Variants in GRIP1 observed in about 807,000 individuals in gnomAD.
The protein encoded by GRIP1 is glutamate receptor-interacting protein 1.
In GRIP1, 45 loss-of-function variants were observed where a neutral mutation model predicts 129.9. The observed-to-expected ratio is 0.35, with a 90% confidence interval of 0.27 to 0.44. The LOEUF is 0.44. Ranked by LOEUF, GRIP1 falls within the 20% of genes least tolerant of loss-of-function variation. The pLI, the probability that GRIP1 is intolerant of heterozygous loss-of-function variation, is 1.00. For missense variants in GRIP1, 1,196 were observed against 1,396.8 expected (o/e 0.86, Z 2.29); for synonymous variants, 530 against 520.8 (o/e 1.02, Z -0.24).
At chr12:66,965,618 G>GACTA (rs2041986821) in intron 1 of GRIP1, among the ~76,000 whole-genome samples, 1 of 146,638 alleles carries the variant, frequency 6.8e-6, no homozygotes, top group South Asian at 2.2e-4. Flanking sequence ...ACTAAAATGG[G>GACTA]ACTAACGGAT....
chr12:66,409,977 G>A (rs1310564569), intron 15 of GRIP1, among the ~76,000 whole-genome samples: 11 of 152,212 alleles, frequency 7.2e-5, no homozygotes, highest in Non-Finnish European at 1.2e-4. Context: ...GTGGCCGGGC[G>A]CGGTGGCTCA....
intron 2 of GRIP1, among the ~76,000 whole-genome samples, chr12:66,588,988 T>TTAAATAAA (rs71069012): frequency 0.014 from 2,051 of 145,824 alleles, 37 homozygotes; most frequent in African/African-American, 0.041. Context: ...AAAAAAAAAA[T>TTAAATAAA]TAAATAAATA....
intron 2 of GRIP1, among the ~76,000 whole-genome samples, chr12:66,585,032 T>C (rs911366112): frequency 3.3e-5 from 5 of 152,054 alleles, no homozygotes; most frequent in Admixed American, 1.3e-4. Context: ...CCCTGCCTCT[T>C]TTGTTTTTTT....
intron 1 of GRIP1, among the ~76,000 whole-genome samples, chr12:66,988,261 G>T (rs1293123984): frequency 1.3e-5 from 2 of 152,318 alleles, no homozygotes; most frequent in African/African-American, 4.8e-5. Flanking sequence ...CGGCCTGGGT[G>T]ATGGGAGTGA....
At chr12:67,016,354 G>A (rs977915046) in intron 1 of GRIP1, among the ~76,000 whole-genome samples, 42 of 152,238 alleles carry the variant, frequency 2.8e-4, no homozygotes, top group African/African-American at 9.4e-4. Context: ...AGATAATTCT[G>A]AAATAATCAC....
intron 1 of GRIP1, among the ~76,000 whole-genome samples, chr12:67,024,007 G>C (rs1424432215): frequency 2.6e-5 from 4 of 151,702 alleles, no homozygotes; most frequent in African/African-American, 9.7e-5. Context: ...TCAATACCAG[G>C]ACCTTCCAGC....
chr12:66,495,573 C>T (rs1477144249), intron 7 of GRIP1, among the ~76,000 whole-genome samples: 2 of 152,066 alleles, frequency 1.3e-5, no homozygotes, highest in Non-Finnish European at 2.9e-5. Context: ...TTTTTTCCCA[C>T]AGGTGGCATA....
intron 2 of GRIP1, among the ~76,000 whole-genome samples, chr12:66,549,247 T>C (rs7305832): frequency 0.34 from 51,494 of 151,804 alleles, 8,949 homozygotes; most frequent in Non-Finnish European, 0.36. Flanking sequence ...AATGGGGTGG[T>C]GAGCATCAGC....
intron 7 of GRIP1, among the ~76,000 whole-genome samples, chr12:66,470,632 G>T (rs1258769630): frequency 6.6e-6 from 1 of 152,158 alleles, no homozygotes; most frequent in East Asian, 1.9e-4. Context: ...GGGACTCTGG[G>T]CAAATTATGT....
intron 1 of GRIP1, among the ~76,000 whole-genome samples, chr12:66,801,797 T>C (rs942203955): frequency 2.0e-5 from 3 of 152,162 alleles, no homozygotes; most frequent in Admixed American, 2.0e-4. Flanking sequence ...AGAATGACAC[T>C]TCTGGTTCAT....
At chr12:66,731,092 T>A (rs978059061) in intron 1 of GRIP1, among the ~76,000 whole-genome samples, 3 of 152,184 alleles carry the variant, frequency 2.0e-5, no homozygotes, top group African/African-American at 7.2e-5. Context: ...CACACACATT[T>A]ATTCTTAGAG....
intron 1 of GRIP1, among the ~76,000 whole-genome samples, chr12:66,990,458 GCACTCAT>G (rs982281683): frequency 3.8e-4 from 58 of 152,290 alleles, no homozygotes; most frequent in African/African-American, 1.3e-3. Context: ...TAACATTAAG[GCACTCAT>G]CTACCAATGG....
Position 66,381,252 on chromosome 12 carries a change from C to CT in GRIP1, c.2465-1817dup, listed in dbSNP as rs145614288. Among the ~76,000 whole-genome samples, 171 of 152,332 alleles carry CT rather than the reference C, an allele frequency of 1.1e-3. 6 individuals carry two copies. The East Asian group carries it at 0.023, about 20-fold the overall frequency. On this transcript the variant is annotated intron_variant, in intron 19 of 24. Coordinates refer to ENST00000359742, the MANE Select transcript of GRIP1 (RefSeq NM_001366722.1). ...TATTTACAGTTCAATGTCTCATTCT[C>CT]TTTTTCCTAGATAACTGCAAAAGTG...
At chr12:66,813,631 A>G (rs1410198744) in intron 1 of GRIP1, among the ~76,000 whole-genome samples, 1 of 152,234 alleles carries the variant, frequency 6.6e-6, no homozygotes, top group African/African-American at 2.4e-5. Flanking sequence ...GATCCATTCA[A>G]CCAAAGGTGT....
At chr12:66,687,087 A>G (rs1346618599) in intron 1 of GRIP1, among the ~76,000 whole-genome samples, 1 of 152,136 alleles carries the variant, frequency 6.6e-6, no homozygotes, top group Non-Finnish European at 1.5e-5. Flanking sequence ...ACAAACAGAC[A>G]AAAACAAAAA....
At chr12:66,814,277 TGTGA>T (rs1170040771) in intron 1 of GRIP1, among the ~76,000 whole-genome samples, 1 of 152,098 alleles carries the variant, frequency 6.6e-6, no homozygotes, top group African/African-American at 2.4e-5. Flanking sequence ...ATAGGATTGC[TGTGA>T]GTATTAAATG....
chr12:66,882,066 C>T (rs1001197105), intron 1 of GRIP1, among the ~76,000 whole-genome samples: 1 of 151,994 alleles, frequency 6.6e-6, no homozygotes, highest in Non-Finnish European at 1.5e-5. Context: ...CTTTTCCCTC[C>T]CATCTCCATC....
chr12:66,860,246 A>C (rs1427336963), intron 1 of GRIP1, among the ~76,000 whole-genome samples: 1 of 152,090 alleles, frequency 6.6e-6, no homozygotes, highest in Admixed American at 6.6e-5. Context: ...AACTAGGTGG[A>C]AGCTTTAAGT....
At chr12:67,057,753 C>T (rs768643248) in intron 1 of GRIP1, among the ~76,000 whole-genome samples, 5 of 152,220 alleles carry the variant, frequency 3.3e-5, no homozygotes, top group African/African-American at 4.8e-5. Context: ...TGCAGCACTA[C>T]AGGTGTCTGA....
Sources: allele counts gnomAD v4.1 joint callset (sites outside exome capture counted in the v4.1 genomes callset), GRCh38; gene constraint gnomAD v4.1.1; transcripts MANE v1.5; gene names NCBI Gene and HGNC (gene_info 2026-07-23, HGNC 2026-07-21).